STAT3: variants seen among roughly 807,000 people sequenced by gnomAD.
STAT3 encodes the protein DNA-binding protein APRF.
A neutral mutation model predicts 114.3 loss-of-function variants in STAT3; 7 were observed. The observed-to-expected ratio is 0.06, with a 90% CI of 0.03 to 0.11. The LOEUF is 0.11. Ranked by LOEUF, STAT3 falls within the 10% of genes least tolerant of loss-of-function variation. The pLI is 1.00. For synonymous variants in STAT3, 331 were observed against 354.5 expected, an observed-to-expected ratio of 0.93 and a Z score of 0.74; for missense variants, 364 against 960.9, an observed-to-expected ratio of 0.38 and a Z score of 8.21.
intron 1 of STAT3, among the ~76,000 whole-genome samples, chr17:42,365,737 C>A (rs1445672947): frequency 6.7e-6 from 1 of 149,870 alleles, no homozygotes; most frequent in African/African-American, 2.5e-5. Flanking sequence ...CTCACTGCAA[C>A]CTCCACCTCC....
intron 22 of STAT3, 24 bp downstream of exon 22, chr17:42,317,158 A>G: frequency 6.2e-7 from 1 of 1,614,050 alleles, no homozygotes; most frequent in Non-Finnish European, 8.5e-7. Context: ...AATGAAGGCA[A>G]AACGGGGAAA....
intron 1 of STAT3, among the ~76,000 whole-genome samples, chr17:42,361,121 G>GA (rs1252327271): frequency 6.6e-6 from 1 of 152,142 alleles, no homozygotes; most frequent in Non-Finnish European, 1.5e-5. Context: ...TATACAGCAA[G>GA]AAAGATGCCT....
At chr17:42,339,503 T>G in intron 4 of STAT3, 94 bp from the exon 5 acceptor site, 1 of 1,289,652 alleles carries the variant, frequency 7.8e-7, no homozygotes, top group Non-Finnish European at 1.1e-6. Context: ...CTACCCTTCT[T>G]GTTTGGCTTG....
At chr17:42,321,114 C>CTTTTTTT (rs971943600) in intron 21 of STAT3, among the ~76,000 whole-genome samples, 1 of 110,130 alleles carries the variant, frequency 9.1e-6, no homozygotes, top group Non-Finnish European at 1.8e-5. Flanking sequence ...ATTTCTCTCT[C>CTTTTTTT]TTTTTTTTTT....
In STAT3 at chr17:42,366,960, G is replaced by A. The variant is rs552042128; in HGVS notation, c.-23-18421C>T. On this transcript the variant is annotated intron_variant, in intron 1 of 23. Coordinates refer to ENST00000264657, the MANE Select transcript of STAT3 (RefSeq NM_139276.3). ...GTTCGAGACCAGCCTGGCCAACAAG[G>A]TGAAATCCCGTTTCTACTAAAAATA... is the stretch of plus-strand genomic sequence containing the variant. Among the ~76,000 whole-genome samples, 28 of 152,164 alleles carry A rather than the reference G, an allele frequency of 1.8e-4. 1 individual carries two copies. In the South Asian group the frequency reaches 5.6e-3, roughly 30 times the overall value.
chr17:42,382,372 TAAGAA>T (rs1266160844), intron 1 of STAT3, among the ~76,000 whole-genome samples: 7 of 152,312 alleles, frequency 4.6e-5, no homozygotes, highest in Admixed American at 3.9e-4. Flanking sequence ...CTTTTACAGA[TAAGAA>T]AATAGAGGCT....
At position 42,316,888 on chromosome 17, in the gene STAT3, T is replaced by C; in HGVS notation, c.2158A>G (p.Asn720Asp). 6.2e-7 allele frequency: 1 copy of C among 1,612,252 alleles called. No homozygotes were observed. The highest frequency in any genetic ancestry group is 8.5e-7 in the Non-Finnish European group (1 of 1,179,620). The change falls in exon 23 of 24, where the codon AAT becomes GAT. Residue 720 changes from asparagine (N) to aspartate (D), a missense_variant. Physicochemically the swap from Asn to Asp is conservative, Grantham distance 23. Around this residue, in one of 5 missense-constraint regions of STAT3, gnomAD observed 37 missense variants for 66.5 expected, o/e 0.56. Transcript: ENST00000264657. ...FICVTPTTCS[N>D]TIDLPMSPRT... ...GGGGACATCGGCAGGTCAATGGTAT[T>C]GCTGCAGGTCGTTCTGTAGGAAATG...
chr17:42,377,642 A>G (rs2084542229), intron 1 of STAT3, among the ~76,000 whole-genome samples: 1 of 152,158 alleles, frequency 6.6e-6, no homozygotes, highest in African/African-American at 2.4e-5. Flanking sequence ...CACTTACTAC[A>G]TATCTTTTGT....
At chr17:42,328,015 C>T (rs953367592) in intron 14 of STAT3, among the ~76,000 whole-genome samples, 9 of 143,826 alleles carry the variant, frequency 6.3e-5, no homozygotes, top group South Asian at 2.2e-4. Context: ...CACTGCAATC[C>T]GATAGAACGA....
Position 42,333,626 on chromosome 17 carries a change from T to A in STAT3, c.1049+47A>T, listed in dbSNP as rs1466951161. 6.2e-7 allele frequency: 1 copy of A among 1,603,068 alleles called. No homozygotes were observed. The highest frequency in any genetic ancestry group is 1.1e-5 in the South Asian group (1 of 90,754). Reference sequence around the variant, plus strand: ...ACCAACTCTACCCTCACCCTAACAGTGTCCCTCAGTAAAATCTCTACTGGA... The same window carrying A: ...ACCAACTCTACCCTCACCCTAACAGAGTCCCTCAGTAAAATCTCTACTGGA... On this transcript the variant is annotated intron_variant, in intron 10 of 23. Coordinates refer to ENST00000264657, the MANE Select transcript of STAT3 (RefSeq NM_139276.3). This position sits in a 1 kb window ranked among gnomAD's most constrained non-coding sequence, Gnocchi z 5.2.
At chr17:42,376,801 G>A (rs527254412) in intron 1 of STAT3, among the ~76,000 whole-genome samples, 5 of 150,936 alleles carry the variant, frequency 3.3e-5, no homozygotes, top group East Asian at 2.0e-4. Flanking sequence ...GGCCCAGATC[G>A]CACCACTGCA....
At chr17:42,330,431 TTTTC>T (rs1402362147) in intron 11 of STAT3, among the ~76,000 whole-genome samples, 2 of 146,212 alleles carry the variant, frequency 1.4e-5, no homozygotes, top group African/African-American at 5.1e-5. Context: ...TTCTCTTTTC[TTTTC>T]TTTTTTTTTT....
Position 42,324,389 on chromosome 17 carries a change from A to C in STAT3, c.1600+322T>G, listed in dbSNP as rs2081613314. Among the ~76,000 whole-genome samples, 1 of 152,194 alleles carries C rather than the reference A, an allele frequency of 6.6e-6. No individual in the cohort carries two copies. The highest frequency in any genetic ancestry group is 1.5e-5 in the Non-Finnish European group (1 of 68,036). On this transcript the variant is annotated intron_variant, in intron 17 of 23. Coordinates refer to ENST00000264657, the MANE Select transcript of STAT3 (RefSeq NM_139276.3). This position sits in a 1 kb window ranked among gnomAD's most constrained non-coding sequence, Gnocchi z 4.5. ...CCTATAGTTTATTAAAAAAATGGAC[A>C]GGGAATGTCAAGCCTTTAGTGCCAC...
chr17:42,348,749 C>T (rs2082808476), intron 1 of STAT3, among the ~76,000 whole-genome samples: 1 of 152,122 alleles, frequency 6.6e-6, no homozygotes. Context: ...TGGCCTTGAA[C>T]TCCTGGACTC....
chr17:42,381,451 C>T (rs113860639), intron 1 of STAT3, among the ~76,000 whole-genome samples: 8 of 152,032 alleles, frequency 5.3e-5, no homozygotes, highest in African/African-American at 1.7e-4. Context: ...GAAGGCCAGG[C>T]GTGCTGGCTC....
At chr17:42,352,289 A>C (rs1194629538) in intron 1 of STAT3, among the ~76,000 whole-genome samples, 1 of 151,976 alleles carries the variant, frequency 6.6e-6, no homozygotes, top group African/African-American at 2.4e-5. Context: ...TAGTGAGCCG[A>C]GATCGCACCA....
chr17:42,380,007 AT>A (rs970343556), intron 1 of STAT3, among the ~76,000 whole-genome samples: 10 of 152,200 alleles, frequency 6.6e-5, no homozygotes, highest in African/African-American at 2.4e-4. Flanking sequence ...AGATATTACC[AT>A]TTTAGTTTAG....
chr17:42,351,418 TAG>T (rs1270447934), intron 1 of STAT3, among the ~76,000 whole-genome samples: 1 of 151,946 alleles, frequency 6.6e-6, no homozygotes, highest in Non-Finnish European at 1.5e-5. Context: ...ATTATTTTTG[TAG>T]AGACGGGGTC....
intron 23 of STAT3, chr17:42,316,015 T>C: frequency 7.0e-7 from 1 of 1,427,662 alleles, no homozygotes. Flanking sequence ...CCTTAACTGA[T>C]TCCCAGAGCT....
Sources: allele counts gnomAD v4.1 joint callset (sites outside exome capture counted in the v4.1 genomes callset), GRCh38; gene constraint gnomAD v4.1.1; regional missense constraint gnomAD v4.1.1; non-coding constraint Gnocchi (gnomAD v3.1); transcripts MANE v1.5; gene names NCBI Gene and HGNC (gene_info 2026-07-23, HGNC 2026-07-21).